BANF2: variants seen among roughly 807,000 people sequenced by gnomAD.
The protein encoded by BANF2 is BANF family member 2.
A neutral mutation model predicts 8.0 loss-of-function variants in BANF2; 4 were observed. That is an observed-to-expected ratio of 0.50 (90% confidence interval 0.25 to 1.14). The LOEUF (loss-of-function observed/expected upper bound fraction) is 1.14, where lower values mean the gene tolerates loss of function less well. Ranked by LOEUF, BANF2 falls within the 50% of genes most tolerant of loss-of-function variation. BANF2 has a pLI of 0.16. For synonymous variants in BANF2, 50 were observed against 40.6 expected, an observed-to-expected ratio of 1.23 and a Z score of -0.88; for missense variants, 96 against 107.5, an observed-to-expected ratio of 0.89 and a Z score of 0.47.
intron 1 of BANF2, among the ~76,000 whole-genome samples, chr20:17,710,718 TATC>T (rs2037557188): frequency 6.6e-6 from 1 of 152,240 alleles, no homozygotes; most frequent in Non-Finnish European, 1.5e-5. Flanking sequence ...AGCTGTGTAT[TATC>T]ATCTTGTTTC....
intron 1 of BANF2, among the ~76,000 whole-genome samples, chr20:17,700,935 C>T (rs959042225): frequency 2.6e-5 from 4 of 152,196 alleles, no homozygotes; most frequent in African/African-American, 7.2e-5. Flanking sequence ...GCTGCAGCTG[C>T]GTCCCTTCTC....
upstream of BANF2, among the ~76,000 whole-genome samples, chr20:17,699,752 A>G (rs2037382114): frequency 6.6e-6 from 1 of 152,164 alleles, no homozygotes; most frequent in Non-Finnish European, 1.5e-5. Context: ...TCTGTACAGC[A>G]GACATCCCTC....
chr20:17,730,827 AG>A (rs1243903504), intron 3 of BANF2, among the ~76,000 whole-genome samples: 1 of 152,242 alleles, frequency 6.6e-6, no homozygotes, highest in Non-Finnish European at 1.5e-5. Context: ...GAGCCCCACA[AG>A]GGGCCCGTCA....
chr20:17,710,806 C>T (rs191956135), intron 1 of BANF2, among the ~76,000 whole-genome samples: 1 of 152,128 alleles, frequency 6.6e-6, no homozygotes, highest in South Asian at 2.1e-4. Flanking sequence ...GCCGGCCTAA[C>T]GGCGGCTGAG....
chr20:17,727,009 A>G (rs2037818295), intron 3 of BANF2, among the ~76,000 whole-genome samples: 1 of 152,146 alleles, frequency 6.6e-6, no homozygotes, highest in Admixed American at 6.5e-5. Flanking sequence ...GCAACCACTG[A>G]TTTATTTTCT....
chr20:17,728,367 G>A (rs1211909510), intron 3 of BANF2, among the ~76,000 whole-genome samples: 1 of 152,172 alleles, frequency 6.6e-6, no homozygotes, highest in East Asian at 1.9e-4. Flanking sequence ...CTCAGCCATC[G>A]GCTCTCTCTA....
chr20:17,709,903 T>A (rs2037544574), intron 1 of BANF2, among the ~76,000 whole-genome samples: 1 of 152,196 alleles, frequency 6.6e-6, no homozygotes, highest in Non-Finnish European at 1.5e-5. Context: ...GTTTCCCAGT[T>A]GCTGACCTGA....
At chr20:17,698,672 C>A (rs905250771), upstream of BANF2, among the ~76,000 whole-genome samples, 4 of 152,174 alleles carry the variant, frequency 2.6e-5, no homozygotes, top group Non-Finnish European at 2.9e-5. Flanking sequence ...AGCAAAGATA[C>A]GCAGGTACTG....
upstream of BANF2, among the ~76,000 whole-genome samples, chr20:17,696,657 T>G (rs1258994080): frequency 6.6e-6 from 1 of 152,218 alleles, no homozygotes; most frequent in East Asian, 1.9e-4. Context: ...TCCTGGGTAA[T>G]GCTGAAAATA....
upstream of BANF2, among the ~76,000 whole-genome samples, chr20:17,699,692 C>T (rs1184703614): frequency 6.6e-6 from 1 of 152,190 alleles, no homozygotes; most frequent in Non-Finnish European, 1.5e-5. Context: ...GGAACCGTGG[C>T]AGCAAGTGGC....
At chr20:17,723,899 G>A (rs925675423) in intron 2 of BANF2, among the ~76,000 whole-genome samples, 5 of 152,216 alleles carry the variant, frequency 3.3e-5, no homozygotes, top group African/African-American at 4.8e-5. Flanking sequence ...GGAGGCTGAG[G>A]CAGGAGAATA....
intron 1 of BANF2, among the ~76,000 whole-genome samples, chr20:17,712,881 C>T (rs992892282): frequency 1.3e-5 from 2 of 152,120 alleles, no homozygotes; most frequent in African/African-American, 4.8e-5. Context: ...GGAAGCAACC[C>T]AGCTTCCCAT....
chr20:17,715,878 C>A (rs1482477078), intron 1 of BANF2, among the ~76,000 whole-genome samples: 3 of 152,234 alleles, frequency 2.0e-5, no homozygotes, highest in African/African-American at 7.2e-5. Context: ...GGGTAGTCGC[C>A]GTCAGGCATG....
At chr20:17,694,381 G>T (rs144362169) in intron 1 of BANF2, among the ~76,000 whole-genome samples, 3 of 152,240 alleles carry the variant, frequency 2.0e-5, no homozygotes, top group Non-Finnish European at 4.4e-5. Flanking sequence ...AGGTCTTCTA[G>T]GTGCAGGGAT....
chr20:17,711,709 C>A (rs998226058), intron 1 of BANF2, among the ~76,000 whole-genome samples: 2 of 152,192 alleles, frequency 1.3e-5, no homozygotes, highest in Non-Finnish European at 2.9e-5. Context: ...CTGGGCCTTG[C>A]ACCTCCCAGG....
intron 2 of BANF2, among the ~76,000 whole-genome samples, chr20:17,723,362 C>G (rs1034207236): frequency 6.6e-6 from 1 of 152,190 alleles, no homozygotes; most frequent in African/African-American, 2.4e-5. Flanking sequence ...CTTGCAAAGG[C>G]AATGCTGCAG....
intron 3 of BANF2, among the ~76,000 whole-genome samples, chr20:17,729,061 G>A (rs114426338): frequency 0.058 from 8,826 of 152,142 alleles, 897 homozygotes; most frequent in African/African-American, 0.2. Flanking sequence ...TCAAAATCAC[G>A]TATGTGGCTA....
intron 3 of BANF2, among the ~76,000 whole-genome samples, chr20:17,730,835 G>A (rs906951277): frequency 2.0e-5 from 3 of 152,242 alleles, no homozygotes; most frequent in East Asian, 3.9e-4. Context: ...CAAGGGGCCC[G>A]TCACGTAAGT....
intron 1 of BANF2, among the ~76,000 whole-genome samples, chr20:17,714,556 C>G (rs1442445647): frequency 6.6e-6 from 1 of 152,216 alleles, no homozygotes; most frequent in African/African-American, 2.4e-5. Context: ...AGCTGGGAGA[C>G]AAGCTGGCTT....
Sources: allele counts gnomAD v4.1 joint callset (sites outside exome capture counted in the v4.1 genomes callset), GRCh38; gene constraint gnomAD v4.1.1; transcripts MANE v1.5; gene names NCBI Gene and HGNC (gene_info 2026-07-23, HGNC 2026-07-21).